Variants in TLL1 observed in about 807,000 individuals in gnomAD.
The protein encoded by TLL1 is tolloid-like protein 1.
In TLL1, 49 loss-of-function variants were observed where a neutral mutation model predicts 128.2. That is an observed-to-expected ratio of 0.38 (90% CI 0.30 to 0.48). TLL1 has a LOEUF of 0.48. Ranked by LOEUF, TLL1 falls within the 20% of genes least tolerant of loss-of-function variation. TLL1 has a pLI of 0.96. For synonymous variants in TLL1, 454 were observed against 418.8 expected, an observed-to-expected ratio of 1.08 and a Z score of -1.03; for missense variants, 1,123 against 1,242.0, an observed-to-expected ratio of 0.90 and a Z score of 1.44.
At chr4:166,100,545 C>G (rs1490362953) in intron 20 of TLL1, among the ~76,000 whole-genome samples, 197 bp from the exon 21 acceptor site, 2 of 152,184 alleles carry the variant, frequency 1.3e-5, no homozygotes, top group South Asian at 2.1e-4. Flanking sequence ...CGCGTGAGCT[C>G]TAGCATGTCA....
At chr4:166,099,183 C>A in intron 19 of TLL1, 94 bp from the exon 20 acceptor site, 1 of 1,567,554 alleles carries the variant, frequency 6.4e-7, no homozygotes. Context: ...AGAAGTTAGA[C>A]AATGGCTAGG....
chr4:165,985,009 A>G (rs1249190028), intron 1 of TLL1, among the ~76,000 whole-genome samples: 1 of 151,984 alleles, frequency 6.6e-6, no homozygotes, highest in Admixed American at 6.6e-5. Context: ...TTATACTCCA[A>G]TTCACGGTAT....
chr4:165,957,069 C>CA (rs1365470958), intron 1 of TLL1, among the ~76,000 whole-genome samples: 1 of 151,918 alleles, frequency 6.6e-6, no homozygotes, highest in Non-Finnish European at 1.5e-5. Context: ...GCAAGTTAGA[C>CA]AAAAAAATAA....
chr4:165,960,104 TAGAA>T lies in TLL1; in HGVS notation c.170-29272_170-29269del, dbSNP rs937412502. Among the ~76,000 whole-genome samples, 7 of 152,022 alleles carry T rather than the reference TAGAA, an allele frequency of 4.6e-5. 1 individual carries two copies. The Middle Eastern group carries it at 0.017, about 369-fold the overall frequency. ...GTAGATCACTAGTTAGATTAACAAA[TAGAA>T]AGAAGATCCAAAATAGCCCAATTAG... On this transcript the variant is annotated intron_variant, in intron 1 of 20. Coordinates refer to ENST00000061240, the MANE Select transcript of TLL1 (RefSeq NM_012464.5).
chr4:165,994,977 A>G lies in TLL1; in HGVS notation c.515-84A>G, dbSNP rs1736801228. The G allele has an allele frequency of 4.5e-6, 5 of 1,118,228 alleles. No individual in the cohort carries two copies. The Admixed American group carries it at 8.6e-5, about 19-fold the overall frequency. The allele number at this position is 1,118,228 out of a possible 1,614,324, so 69.3% of individuals were successfully genotyped here. ...ATAGTGGTGGCATTCTGCACTGCTC[A>G]GCCAGACTTAGGGTAGAGGATGCAG... is the stretch of plus-strand genomic sequence containing the variant. On this transcript the variant is annotated intron_variant, in intron 4 of 20. Transcript: ENST00000061240.
chr4:165,923,112 A>G (rs1733107310), intron 1 of TLL1, among the ~76,000 whole-genome samples: 1 of 152,164 alleles, frequency 6.6e-6, no homozygotes, highest in Non-Finnish European at 1.5e-5. Flanking sequence ...TAGGCCCCTC[A>G]TGCCACCCAG....
intron 9 of TLL1, among the ~76,000 whole-genome samples, chr4:166,035,390 A>G (rs1738954622): frequency 6.6e-6 from 1 of 152,164 alleles, no homozygotes; most frequent in Non-Finnish European, 1.5e-5. Context: ...ATAATAATAC[A>G]TAAGAATCTT....
intron 1 of TLL1, among the ~76,000 whole-genome samples, chr4:165,915,162 T>C (rs1732723734): frequency 6.6e-6 from 1 of 152,220 alleles, no homozygotes; most frequent in East Asian, 1.9e-4. Flanking sequence ...AGCTCATCAT[T>C]GATTTGGCCC....
At chr4:166,077,881 G>C in intron 17 of TLL1, 22 bp from the exon 18 acceptor site, 1 of 1,612,808 alleles carries the variant, frequency 6.2e-7, no homozygotes, top group Non-Finnish European at 8.5e-7. Context: ...CACACTGTCT[G>C]ATATTATGGT....
At chr4:166,070,951 T>C (rs1002553173) in intron 16 of TLL1, among the ~76,000 whole-genome samples, 6 of 151,972 alleles carry the variant, frequency 3.9e-5, no homozygotes, top group African/African-American at 1.2e-4. Flanking sequence ...TTCATCATTA[T>C]TGAAATTTAA....
At chr4:165,966,202 A>G (rs1735364512) in intron 1 of TLL1, among the ~76,000 whole-genome samples, 1 of 150,362 alleles carries the variant, frequency 6.7e-6, no homozygotes, top group Non-Finnish European at 1.5e-5. Context: ...AAAAAGAAGG[A>G]TTAGAGGACA....
chr4:166,014,755 TG>T lies in TLL1; in HGVS notation c.1042+196del, dbSNP rs535590937. 4.6e-5 allele frequency among the ~76,000 whole-genome samples: 7 copies of T among 152,128 alleles called. No individual in the cohort carries two copies. The South Asian group carries it at 1.4e-3, about 31-fold the overall frequency. On this transcript the variant is annotated intron_variant, in intron 8 of 20. Coordinates refer to ENST00000061240, the MANE Select transcript of TLL1 (RefSeq NM_012464.5). ...CTAATTGCTGTAAATAAAAACAAGT[TG>T]TTGAAATCAAAGTTCAAACACAGGG...
At chr4:165,939,964 C>G (rs1227147631) in intron 1 of TLL1, among the ~76,000 whole-genome samples, 1 of 151,978 alleles carries the variant, frequency 6.6e-6, no homozygotes, top group African/African-American at 2.4e-5. Flanking sequence ...TCATTACTCT[C>G]TTTTAAATCT....
At position 165,994,416 on chromosome 4, in the gene TLL1, C is replaced by T; in HGVS notation, c.397C>T (p.Pro133Ser). 1 of 1,613,964 alleles carries T rather than the reference C, an allele frequency of 6.2e-7. No homozygotes were observed. The highest frequency in any genetic ancestry group is 8.5e-7 in the Non-Finnish European group (1 of 1,179,920). ...EQNNTVKGKVPLQFSGQNEKN... is the reference protein window; with the variant it reads ...EQNNTVKGKVSLQFSGQNEKN... The stretch of plus-strand genomic sequence containing the variant: ...AAACAACACAGTTAAGGGAAAAGTA[C>T]CTCTACAATTCTCAGGGCAAAATGA... The change falls in exon 4 of 21, where the codon CCT (proline) becomes TCT (serine). Residue 133 changes from proline (P) to serine (S), a missense_variant. Physicochemically the swap from Pro to Ser is moderately conservative, Grantham distance 74. Transcript: ENST00000061240.
intron 19 of TLL1, among the ~76,000 whole-genome samples, chr4:166,092,928 C>T (rs1741840997): frequency 6.6e-6 from 1 of 152,088 alleles, no homozygotes; most frequent in Admixed American, 6.6e-5. Flanking sequence ...ATAATACTCC[C>T]AAGGTTACTT....
rs567766293 is a variant in TLL1, at chr4:165,994,401, G to A, written c.382G>A (p.Val128Ile). ...IGFGLEQNNT[V>I]KGKVPLQFSG... is the part of the protein sequence containing the mutation. ...TGCAGGCTTGGAGCAAAACAACACA[G>A]TTAAGGGAAAAGTACCTCTACAATT... Residue 128 changes from valine to isoleucine, a missense_variant, in exon 4 of 21, where the codon GTT becomes ATT. Around this residue, in one of 3 missense-constraint regions of TLL1, gnomAD observed 480 missense variants for 542.4 expected, o/e 0.89. Coordinates refer to ENST00000061240, the MANE Select transcript of TLL1 (RefSeq NM_012464.5). The A allele has an allele frequency of 6.2e-7, 1 of 1,613,946 alleles. No individual in the cohort carries two copies. The highest frequency in any genetic ancestry group is 1.3e-5 in the African/African-American group (1 of 75,024).
chr4:166,096,290 C>CATAGGAATG lies in TLL1; in HGVS notation c.2657-2985_2657-2977dup, dbSNP rs1742016596. Among the ~76,000 whole-genome samples, 3 of 150,136 alleles carry CATAGGAATG rather than the reference C, an allele frequency of 2.0e-5. No individual in the cohort carries two copies. The South Asian group carries it at 6.3e-4, about 32-fold the overall frequency. On this transcript the variant is annotated intron_variant, in intron 19 of 20. Transcript: ENST00000061240. ...AGATTTATTAGTTTGAGCGGTGATC[C>CATAGGAATG]ATAGGAATGAGGGTGTGCACTGCAA...
chr4:166,099,782 A>G (rs1742207954), intron 20 of TLL1, among the ~76,000 whole-genome samples: 1 of 152,120 alleles, frequency 6.6e-6, no homozygotes, highest in African/African-American at 2.4e-5. Flanking sequence ...TCACTTTTCC[A>G]TTGTTCTAAC....
At chr4:166,009,351 C>CAG (rs1408214514) in intron 7 of TLL1, among the ~76,000 whole-genome samples, 1 of 151,414 alleles carries the variant, frequency 6.6e-6, no homozygotes, top group African/African-American at 2.4e-5. Flanking sequence ...TTCCTTGGAA[C>CAG]AGAGAAGGTA....
Sources: gnomAD v4.1 joint callset for allele counts (sites outside exome capture counted in the v4.1 genomes callset) on GRCh38, gnomAD v4.1.1 for gene constraint, gnomAD v4.1.1 regional missense constraint, MANE v1.5 for transcripts, NCBI Gene and HGNC (gene_info 2026-07-23, HGNC 2026-07-21) for gene names.